ITPRIPL2: variants seen among roughly 807,000 people sequenced by gnomAD.
The protein encoded by ITPRIPL2 is ITPRIP like 2, also known as inositol 1,4,5-trisphosphate receptor-interacting protein-like 2.
A neutral mutation model predicts 31.7 loss-of-function variants in ITPRIPL2; 29 were observed. That is an observed-to-expected ratio of 0.91 (90% confidence interval 0.68 to 1.25). The LOEUF (loss-of-function observed/expected upper bound fraction) is 1.25. Among genes scored for constraint, ITPRIPL2 ranks in the 50% most tolerant of loss-of-function variants. The probability of loss-of-function intolerance (pLI) is 0.00; values close to 1 mark genes in which losing one functional copy is unlikely to be tolerated. For missense variants in ITPRIPL2, 696 were observed against 739.1 expected, an observed-to-expected ratio of 0.94 and a Z score of 0.68; for synonymous variants, 344 against 343.4, an observed-to-expected ratio of 1.00 and a Z score of -0.02.
At position 19,114,725 on chromosome 16, in the gene ITPRIPL2, C is replaced by A. The variant is rs770649682; in HGVS notation, c.264C>A (p.Ser88=). ...GTCTGGAGGGTCACGCCGCCTTCTC[C>A]TCGAGACACTTCCGAGAGCCGGGCC... The part of the protein sequence containing the change: ...SPRLEGHAAF[S]SRHFREPGLS... The change falls in exon 1 of 1, where the codon TCC becomes TCA. Residue 88 remains serine (S), a synonymous_variant. Transcript: ENST00000381440. 6.2e-5 allele frequency: 100 copies of A among 1,610,328 alleles called. No homozygotes were observed. The highest frequency in any genetic ancestry group is 8.5e-5 in the Non-Finnish European group (100 of 1,178,250).
At position 19,114,107 on chromosome 16, in the gene ITPRIPL2, C is replaced by T; in HGVS notation, c.-355C>T. 2.5e-6 allele frequency: 1 copy of T among 396,182 alleles called. No homozygotes were observed. The highest frequency in any genetic ancestry group is 4.5e-6 in the Non-Finnish European group (1 of 224,530). 24.5% of individuals were successfully genotyped at this position (396,182 alleles called of 1,614,324 possible). On this transcript the variant is annotated 5_prime_UTR_variant, in exon 1 of 1. Coordinates refer to ENST00000381440, the MANE Select transcript of ITPRIPL2 (RefSeq NM_001034841.4). ...GGCGCGGAGAGGAGCGGCGGGAGAG[C>T]CAGGAGGGCCGCCCAGGGTAGGAGG... is the stretch of plus-strand genomic sequence containing the variant.
chr16:19,116,223 T>C lies in ITPRIPL2; in HGVS notation c.*154T>C, dbSNP rs1963443480. ...AGCTTTAGTGGCTTAAATATCACCT[T>C]CTCGCTTCACAGTCCAGTATAATAT... On this transcript the variant is annotated 3_prime_UTR_variant, in exon 1 of 1. Transcript: ENST00000381440. 3 of 692,986 alleles carry C rather than the reference T, an allele frequency of 4.3e-6. No individual in the cohort carries two copies. The highest frequency in any genetic ancestry group is 3.9e-5 in the South Asian group (2 of 50,742). The allele number at this position is 692,986 out of a possible 1,614,324, so 42.9% of individuals were successfully genotyped here. A position where few individuals can be genotyped will look rare whatever the true frequency, so the allele number is the denominator to read the frequency against.
rs773373333 is a variant in ITPRIPL2 at position 19,114,901 on chromosome 16, C to G, written c.440C>G (p.Ala147Gly). Residue 147 changes from alanine (A) to glycine (G), a missense_variant, in exon 1 of 1, where the codon GCG becomes GGG. Transcript: ENST00000381440. ...RGSPGLIPGG[A>G]LALAFRGDFI... is the part of the protein sequence containing the mutation. The stretch of plus-strand genomic sequence containing the variant: ...TCCCCCGGTCTCATTCCTGGGGGAG[C>G]GCTGGCCTTGGCCTTCCGCGGAGAC... 6.2e-7 allele frequency: 1 copy of G among 1,609,978 alleles called. No individual in the cohort carries two copies. The highest frequency in any genetic ancestry group is 1.1e-5 in the South Asian group (1 of 90,914).
chr16:19,114,640 G>T lies in ITPRIPL2; in HGVS notation c.179G>T (p.Ser60Ile). 6 of 1,604,620 alleles carry T rather than the reference G, an allele frequency of 3.7e-6. No homozygotes were observed. The highest frequency in any genetic ancestry group is 5.1e-6 in the Non-Finnish European group (6 of 1,176,298). Residue 60 changes from serine (S) to isoleucine (I), a missense_variant, in exon 1 of 1, where the codon AGC becomes ATC. Ser to Ile is a moderately radical substitution (Grantham distance 142). Transcript: ENST00000381440. ...LLKVAVLLLL[S>I]YVLLRCRHAV... The stretch of plus-strand genomic sequence containing the variant: ...AAGGTGGCCGTCCTGCTCCTCCTCA[G>T]CTATGTCCTCCTGCGCTGTCGCCAC...
chr16:19,114,950 C>G lies in ITPRIPL2; in HGVS notation c.489C>G (p.Tyr163Ter). The change falls in exon 1 of 1, where the codon TAC (tyrosine) becomes TAG (stop). Residue 163 changes from tyrosine (Y) to a stop codon, truncating the protein, a stop_gained. Transcript: ENST00000381440. LOFTEE classifies it high-confidence loss of function. ...RGDFIQVGSA[Y>*]EQHKIRRPDS... ...ACTTCATCCAGGTGGGCAGCGCCTACGAGCAACATAAAATCCGCCGGCCCG... is the reference window on the plus strand; with the variant it reads ...ACTTCATCCAGGTGGGCAGCGCCTAGGAGCAACATAAAATCCGCCGGCCCG... The G allele has an allele frequency of 6.2e-7, 1 of 1,607,164 alleles. No individual in the cohort carries two copies. The highest frequency in any genetic ancestry group is 8.5e-7 in the Non-Finnish European group (1 of 1,179,754).
chr16:19,121,033 C>T lies in ITPRIPL2; in HGVS notation c.*4964C>T, dbSNP rs535291031. 8 of 165,962 alleles carry T rather than the reference C, an allele frequency of 4.8e-5. No homozygotes were observed. The highest frequency in any genetic ancestry group is 2.0e-4 in the Admixed American group (3 of 15,198). 10.3% of individuals were successfully genotyped at this position (165,962 alleles called of 1,614,324 possible). On this transcript the variant is annotated 3_prime_UTR_variant, in exon 1 of 1. Transcript: ENST00000381440. ...AGGGAAACAAGTTCAGTGTTATCAT[C>T]GTGGCATTCGTTAGTTTTTTTTTTT...
rs927316691 is a variant in ITPRIPL2 at position 19,114,374 on chromosome 16, G to A, written c.-88G>A. ...AGGAGGAGACGGGGACAGCGGGGCT[G>A]CCCGGGCGCTGTGCGCATGCTGGGC... On this transcript the variant is annotated 5_prime_UTR_variant, in exon 1 of 1. Coordinates refer to ENST00000381440, the MANE Select transcript of ITPRIPL2 (RefSeq NM_001034841.4). 1 of 1,069,942 alleles carries A rather than the reference G, an allele frequency of 9.3e-7. No homozygotes were observed. The allele number at this position is 1,069,942 out of a possible 1,614,324, so 66.3% of individuals were successfully genotyped here.
chr16:19,117,957 C>T lies in ITPRIPL2; in HGVS notation c.*1888C>T, dbSNP rs566719330. The T allele has an allele frequency of 6.0e-6, 1 of 167,100 alleles. No homozygotes were observed. The highest frequency in any genetic ancestry group is 2.1e-4 in the South Asian group (1 of 4,822). 10.4% of individuals were successfully genotyped at this position (167,100 alleles called of 1,614,324 possible). A position where few individuals can be genotyped will look rare whatever the true frequency, so the allele number is the denominator to read the frequency against. On this transcript the variant is annotated 3_prime_UTR_variant, in exon 1 of 1. Transcript: ENST00000381440. ...GTCAATGTTGGGTCATAAGGTACTG[C>T]ATTGTGCAAAGAAGTCAGTCTGCTA...
Position 19,115,092 on chromosome 16 carries a change from C to G in ITPRIPL2, c.631C>G (p.Leu211Val). 6.2e-7 allele frequency: 1 copy of G among 1,600,308 alleles called. No individual in the cohort carries two copies. The highest frequency in any genetic ancestry group is 2.2e-5 in the East Asian group (1 of 44,872). The change falls in exon 1 of 1, where the codon CTC becomes GTC. Residue 211 changes from leucine to valine, a missense_variant. Coordinates refer to ENST00000381440, the MANE Select transcript of ITPRIPL2 (RefSeq NM_001034841.4). ...CTTCCGCGGCTGCTTCTTGTGCGCC[C>G]TCAAGGCACCACCCTCACCATCGGG... is the stretch of plus-strand genomic sequence containing the variant. ...PAFRGCFLCA[L>V]KAPPSPSGAS...
rs756785671 is a variant in ITPRIPL2, at chr16:19,114,857, G to A, written c.396G>A (p.Arg132=). The change falls in exon 1 of 1, where the codon CGG becomes CGA. Residue 132 remains arginine (R), a synonymous_variant. Coordinates refer to ENST00000381440, the MANE Select transcript of ITPRIPL2 (RefSeq NM_001034841.4). Reference sequence around the variant, plus strand: ...GCCGGATCGTGGGCGAGCTGGTGCGGGCTGGCCGCGCCCGGGGGTCCCCCG... The same window carrying A: ...GCCGGATCGTGGGCGAGCTGGTGCGAGCTGGCCGCGCCCGGGGGTCCCCCG... The part of the protein sequence containing the change: ...HVSRIVGELV[R]AGRARGSPGL... 4 of 1,603,496 alleles carry A rather than the reference G, an allele frequency of 2.5e-6. No homozygotes were observed. In the African/African-American group the frequency reaches 4.0e-5, roughly 16 times the overall value.
At position 19,114,984 on chromosome 16, in the gene ITPRIPL2, G is replaced by T; in HGVS notation, c.523G>T (p.Asp175Tyr). The T allele has an allele frequency of 6.2e-7, 1 of 1,601,090 alleles. No individual in the cohort carries two copies. ...QHKIRRPDSF[D>Y]VLVPLRLPPL... ...TAAAATCCGCCGGCCCGACAGCTTC[G>T]ACGTGCTGGTGCCACTGCGCCTCCC... The change falls in exon 1 of 1, where the codon GAC becomes TAC. Residue 175 changes from aspartate (D) to tyrosine (Y), a missense_variant. Coordinates refer to ENST00000381440, the MANE Select transcript of ITPRIPL2 (RefSeq NM_001034841.4).
chr16:19,114,553 G>T lies in ITPRIPL2; in HGVS notation c.92G>T (p.Arg31Leu), dbSNP rs868267165. 1 of 1,535,084 alleles carries T rather than the reference G, an allele frequency of 6.5e-7. No homozygotes were observed. Among genetic ancestry groups the T allele is most frequent in the Non-Finnish European group, 8.7e-7 (1 of 1,144,930 alleles). ...TALVCLYHVL[R>L]GSGGARAEPA... ...CTGGTGTGCCTCTACCATGTCCTGC[G>T]GGGAAGCGGGGGCGCCCGGGCCGAG... Residue 31 changes from arginine (R) to leucine (L), a missense_variant, in exon 1 of 1, where the codon CGG becomes CTG. Coordinates refer to ENST00000381440, the MANE Select transcript of ITPRIPL2 (RefSeq NM_001034841.4).
In ITPRIPL2 at chr16:19,115,091, C is replaced by G; in HGVS notation, c.630C>G (p.Ala210=). The part of the protein sequence containing the change: ...APAFRGCFLC[A]LKAPPSPSGA... ...CCTTCCGCGGCTGCTTCTTGTGCGC[C>G]CTCAAGGCACCACCCTCACCATCGG... is the stretch of plus-strand genomic sequence containing the variant. Residue 210 remains alanine, a synonymous_variant, in exon 1 of 1, where the codon GCC becomes GCG. Coordinates refer to ENST00000381440, the MANE Select transcript of ITPRIPL2 (RefSeq NM_001034841.4). The G allele has an allele frequency of 6.2e-7, 1 of 1,600,200 alleles. No individual in the cohort carries two copies.
Position 19,121,001 on chromosome 16 carries a change from C to G in ITPRIPL2, c.*4932C>G, listed in dbSNP as rs1963513083. The G allele has an allele frequency of 6.0e-6, 1 of 166,490 alleles. No individual in the cohort carries two copies. Among genetic ancestry groups the G allele is most frequent in the Non-Finnish European group, 1.5e-5 (1 of 68,036 alleles). The allele number at this position is 166,490 out of a possible 1,614,324, so 10.3% of individuals were successfully genotyped here. ...GAACCTCGGTAACATTTCCAATGTC[C>G]TTCAAGAGGGAAACAAGTTCAGTGT... On this transcript the variant is annotated 3_prime_UTR_variant, in exon 1 of 1. Transcript: ENST00000381440.
rs1963519900 is a variant in ITPRIPL2, at chr16:19,121,457, T to C, written c.*5388T>C. 6.0e-6 allele frequency: 1 copy of C among 166,946 alleles called. No homozygotes were observed. The highest frequency in any genetic ancestry group is 2.1e-4 in the South Asian group (1 of 4,810). The allele number at this position is 166,946 out of a possible 1,614,324, so 10.3% of individuals were successfully genotyped here. A position where few individuals can be genotyped will look rare whatever the true frequency, so the allele number is the denominator to read the frequency against. ...ATCAGATATGGTTCAGCTGCTACAATTGTATGATTCAAAGGCAATTTAATC... is the reference window on the plus strand; with the variant it reads ...ATCAGATATGGTTCAGCTGCTACAACTGTATGATTCAAAGGCAATTTAATC... On this transcript the variant is annotated 3_prime_UTR_variant, in exon 1 of 1. Coordinates refer to ENST00000381440, the MANE Select transcript of ITPRIPL2 (RefSeq NM_001034841.4).
In ITPRIPL2 at chr16:19,114,432, G is replaced by T; in HGVS notation, c.-30G>T. On this transcript the variant is annotated 5_prime_UTR_variant, in exon 1 of 1. Coordinates refer to ENST00000381440, the MANE Select transcript of ITPRIPL2 (RefSeq NM_001034841.4). ...GCCGCCGGGGCTTGCCCCCTGGGCTGCTCGGCCACCGCCGCCCCGGGCGCC... is the reference window on the plus strand; with the variant it reads ...GCCGCCGGGGCTTGCCCCCTGGGCTTCTCGGCCACCGCCGCCCCGGGCGCC... 2 of 1,386,694 alleles carry T rather than the reference G, an allele frequency of 1.4e-6. No homozygotes were observed. Among genetic ancestry groups the T allele is most frequent in the Non-Finnish European group, 9.3e-7 (1 of 1,072,648 alleles). The allele number at this position is 1,386,694 out of a possible 1,614,324, so 85.9% of individuals were successfully genotyped here. A position where few individuals can be genotyped will look rare whatever the true frequency, so the allele number is the denominator to read the frequency against.
rs1485020130 is a variant in ITPRIPL2, at chr16:19,114,679, G to C, written c.218G>C (p.Arg73Pro). 6.2e-7 allele frequency: 1 copy of C among 1,611,670 alleles called. No individual in the cohort carries two copies. Among genetic ancestry groups the C allele is most frequent in the South Asian group, 1.1e-5 (1 of 90,978 alleles). Reference sequence around the variant, plus strand: ...CGCTGTCGCCACGCTGTCCGGCAGCGCTTCCTGCCCGGGTCTCCCCGTCTG... The same window carrying C: ...CGCTGTCGCCACGCTGTCCGGCAGCCCTTCCTGCCCGGGTCTCCCCGTCTG... ...LLRCRHAVRQ[R>P]FLPGSPRLEG... The change falls in exon 1 of 1, where the codon CGC becomes CCC. Residue 73 changes from arginine (R) to proline (P), a missense_variant. By Grantham distance (103) the Arg-to-Pro change is moderately radical (BLOSUM62 -2). Transcript: ENST00000381440.
rs1379593165 is a variant in ITPRIPL2 at position 19,114,790 on chromosome 16, G to T, written c.329G>T (p.Arg110Leu). 6.2e-7 allele frequency: 1 copy of T among 1,611,398 alleles called. No individual in the cohort carries two copies. The highest frequency in any genetic ancestry group is 1.7e-5 in the Admixed American group (1 of 59,850). The change falls in exon 1 of 1, where the codon CGC becomes CTC. Residue 110 changes from arginine to leucine, a missense_variant. By Grantham distance (102) the Arg-to-Leu change is moderately radical. Transcript: ENST00000381440. The stretch of plus-strand genomic sequence containing the variant: ...GAGAGTTACTACGAGCATGAGGTGC[G>T]CCTGTCTCCGCACGTGTTGGGCCAC... Reference protein sequence around the residue: ...LLESYYEHEVRLSPHVLGHSK... With the variant: ...LLESYYEHEVLLSPHVLGHSK...
In ITPRIPL2 at chr16:19,114,430, C is replaced by T. The variant is rs760272119; in HGVS notation, c.-32C>T. 51 of 1,386,406 alleles carry T rather than the reference C, an allele frequency of 3.7e-5. 2 individuals carry two copies. The highest frequency in any genetic ancestry group is 6.1e-5 in the African/African-American group (4 of 65,832). 85.9% of individuals were successfully genotyped at this position (1,386,406 alleles called of 1,614,324 possible). On this transcript the variant is annotated 5_prime_UTR_variant, in exon 1 of 1. Transcript: ENST00000381440. ...TCGCCGCCGGGGCTTGCCCCCTGGG[C>T]TGCTCGGCCACCGCCGCCCCGGGCG... is the stretch of plus-strand genomic sequence containing the variant.
Sources: allele counts gnomAD v4.1 joint callset, GRCh38; gene constraint gnomAD v4.1.1; transcripts MANE v1.5; gene names NCBI Gene and HGNC (gene_info 2026-07-23, HGNC 2026-07-21).